ZDHHC11: variants seen among roughly 807,000 people sequenced by gnomAD.
ZDHHC11 encodes the protein zDHHC palmitoyltransferase 11.
A neutral mutation model predicts 51.3 loss-of-function variants in ZDHHC11; 44 were observed. The ratio of observed to expected loss-of-function variants is 0.86; its 90% CI spans 0.67 to 1.10. The LOEUF is 1.10. Among genes scored for constraint, ZDHHC11 ranks in the 50% least tolerant of loss-of-function variants. The pLI is 0.00. For missense variants in ZDHHC11, 400 were observed against 537.7 expected, an observed-to-expected ratio of 0.74 and a Z score of 2.53; for synonymous variants, 163 against 222.0, an observed-to-expected ratio of 0.73 and a Z score of 2.36.
At position 833,219 on chromosome 5, in the gene ZDHHC11, C is replaced by T. The variant is rs567524098; in HGVS notation, c.935+554G>A. 5.2e-5 allele frequency among the ~76,000 whole-genome samples: 8 copies of T among 152,388 alleles called. No homozygotes were observed. In the South Asian group the frequency reaches 6.2e-4, roughly 12 times the overall value. On this transcript the variant is annotated intron_variant, in intron 7 of 12. Transcript: ENST00000283441. ...AGAGTCTGTGAAGACTGAAAATGCG[C>T]GTGCCCTTTGACTCTCAGCTTCCAA...
At chr5:836,846 A>T (rs1743925954) in intron 6 of ZDHHC11, among the ~76,000 whole-genome samples, 1 of 149,974 alleles carries the variant, frequency 6.7e-6, no homozygotes, top group African/African-American at 2.5e-5. Context: ...GGATCACCTG[A>T]GGCCAGAAGT....
chr5:850,323 A>G (rs565973081), intron 1 of ZDHHC11, 58 bp downstream of exon 1: 4 of 1,567,600 alleles, frequency 2.6e-6, no homozygotes, highest in Middle Eastern at 1.7e-4. Flanking sequence ...AGCCAGGTCC[A>G]TCGCAAGTTC....
At position 850,441 on chromosome 5, in the gene ZDHHC11, C is replaced by G. The variant is rs764899536; in HGVS notation, c.162G>C (p.Ser54=). The G allele has an allele frequency of 1.2e-6, 2 of 1,613,488 alleles. No individual in the cohort carries two copies. The highest frequency in any genetic ancestry group is 1.7e-6 in the Non-Finnish European group (2 of 1,180,014). ...VTWAVFVGLS[S]ATFGIFIPFL... is the part of the protein sequence containing the mutation. ...AGGGAATGAAGATCCCGAAGGTGGC[C>G]GAGGAAAGGCCCACGAAGACAGCCC... The change falls in exon 1 of 13, where the codon TCG becomes TCC. Residue 54 remains serine, a synonymous_variant. Coordinates refer to ENST00000283441, the MANE Select transcript of ZDHHC11 (RefSeq NM_024786.3).
chr5:847,825 C>A, intron 2 of ZDHHC11: 1 of 567,794 alleles, frequency 1.8e-6, no homozygotes. Context: ...CAGAGGTAGC[C>A]ACAGAGCAGG....
chr5:838,917 G>GA (rs1434453928), intron 5 of ZDHHC11, among the ~76,000 whole-genome samples: 1 of 148,296 alleles, frequency 6.7e-6, no homozygotes, highest in South Asian at 2.1e-4. Flanking sequence ...CACAAAGTTG[G>GA]AAAAAAATGA....
At chr5:831,266 A>G (rs1743040556) in intron 7 of ZDHHC11, among the ~76,000 whole-genome samples, 1 of 149,648 alleles carries the variant, frequency 6.7e-6, no homozygotes, top group Admixed American at 6.8e-5. Context: ...ATCTAAAAGG[A>G]ACTCAAACAA....
chr5:823,705 A>G (rs2277058), intron 8 of ZDHHC11: 44,124 of 188,524 alleles, frequency 0.23, 8,235 homozygotes, highest in African/African-American at 0.55. Context: ...GGGATTCAAC[A>G]TGATGCTGAG....
chr5:825,156 CA>C lies in ZDHHC11; in HGVS notation c.1023+7del, dbSNP rs758949177. On this transcript the variant is annotated splice_region_variant and intron_variant, in intron 8 of 12. Coordinates refer to ENST00000283441, the MANE Select transcript of ZDHHC11 (RefSeq NM_024786.3). The stretch of plus-strand genomic sequence containing the variant: ...CCTCGGGGTGCATCGCTGGTGACTG[CA>C]ACTTACCCGTGCCGTCGAATCCCCA... The C allele has an allele frequency of 3.7e-6, 6 of 1,610,104 alleles. No homozygotes were observed. The highest frequency in any genetic ancestry group is 5.1e-6 in the Non-Finnish European group (6 of 1,176,776).
chr5:807,742 T>G (rs2150301371), intron 11 of ZDHHC11, among the ~76,000 whole-genome samples: 1 of 152,192 alleles, frequency 6.6e-6, no homozygotes, highest in African/African-American at 2.4e-5. Flanking sequence ...CAGAGTGGTT[T>G]AAAAACTTAT....
chr5:843,786 G>C (rs1745509737), intron 3 of ZDHHC11, 62 bp from the exon 4 acceptor site: 1 of 954,494 alleles, frequency 1.0e-6, no homozygotes, highest in African/African-American at 2.6e-5. Context: ...GGGCGCAGGG[G>C]CAGGTGTGGG....
upstream of ZDHHC11, among the ~76,000 whole-genome samples, chr5:854,989 C>A (rs556849537): frequency 6.1e-5 from 9 of 147,974 alleles, no homozygotes; most frequent in Non-Finnish European, 1.0e-4. Flanking sequence ...GGACAGCGAG[C>A]CAGGGGGACA....
chr5:850,980 C>T lies in ZDHHC11; in HGVS notation c.-378G>A, dbSNP rs1432756432. 10 of 311,316 alleles carry T rather than the reference C, an allele frequency of 3.2e-5. No individual in the cohort carries two copies. The highest frequency in any genetic ancestry group is 2.1e-4 in the South Asian group (4 of 19,056). 19.3% of individuals were successfully genotyped at this position (311,316 alleles called of 1,614,324 possible). A position where few individuals can be genotyped will look rare whatever the true frequency, so the allele number is the denominator to read the frequency against. On this transcript the variant is annotated 5_prime_UTR_variant, in exon 1 of 13. Coordinates refer to ENST00000283441, the MANE Select transcript of ZDHHC11 (RefSeq NM_024786.3). ...CCACACAGCGACAGGTCCCACAACC[C>T]GTTCACGAATACACAGGCCCACCCA...
At chr5:853,319 C>CAG (rs1747585801), upstream of ZDHHC11, among the ~76,000 whole-genome samples, 2 of 138,136 alleles carry the variant, frequency 1.4e-5, no homozygotes, top group African/African-American at 5.5e-5. Flanking sequence ...GACAGCGAGT[C>CAG]GGGCACAGAC....
At chr5:842,473 C>G (rs1415824811) in intron 4 of ZDHHC11, 1 of 985,386 alleles carries the variant, frequency 1.0e-6, no homozygotes, top group African/African-American at 1.7e-5. Context: ...GTGGAGCTGG[C>G]AAAGCTCATC....
At chr5:856,290 A>G (rs540489730) in intron 1 of ZDHHC11, among the ~76,000 whole-genome samples, 65 of 146,212 alleles carry the variant, frequency 4.4e-4, no homozygotes, top group African/African-American at 1.7e-3. Context: ...CACAAAACAC[A>G]ACACACACAC....
chr5:841,812 A>G, intron 4 of ZDHHC11: 1 of 994,980 alleles, frequency 1.0e-6, no homozygotes, highest in Non-Finnish European at 1.2e-6. Flanking sequence ...AGGGTGGGGC[A>G]AGGCAGAATG....
intron 11 of ZDHHC11, among the ~76,000 whole-genome samples, chr5:803,200 G>A (rs1266488978): frequency 6.6e-6 from 1 of 151,228 alleles, no homozygotes; most frequent in Admixed American, 6.6e-5. Flanking sequence ...TAAATTTGAG[G>A]TGGTACATTT....
chr5:815,084 T>G (rs1740603990), intron 10 of ZDHHC11, among the ~76,000 whole-genome samples: 2 of 151,344 alleles, frequency 1.3e-5, no homozygotes, highest in Admixed American at 6.6e-5. Context: ...TAATGGATGT[T>G]AGATGAGGCT....
In ZDHHC11 at chr5:812,209, CTT is replaced by C. The variant is rs546106266; in HGVS notation, c.1181+2550_1181+2551del. 1.0e-4 allele frequency among the ~76,000 whole-genome samples: 15 copies of C among 148,956 alleles called. 1 individual carries two copies. In the East Asian group the frequency reaches 3.0e-3, roughly 29 times the overall value. The stretch of plus-strand genomic sequence containing the variant: ...TGGTATAACCCTGGAGTAAGAAAGA[CTT>C]TTTAAAGCAAGACAGGTACATTTGA... On this transcript the variant is annotated intron_variant, in intron 11 of 12. Transcript: ENST00000283441.
Sources: allele counts gnomAD v4.1 joint callset (sites outside exome capture counted in the v4.1 genomes callset), GRCh38; gene constraint gnomAD v4.1.1; transcripts MANE v1.5; gene names NCBI Gene and HGNC (gene_info 2026-07-23, HGNC 2026-07-21).